Variants in TCEA1 observed in about 807,000 individuals in gnomAD.
TCEA1 encodes transcription elongation factor A protein 1.
A neutral mutation model predicts 43.8 loss-of-function variants in TCEA1; 21 were observed. That is an observed-to-expected ratio of 0.48 (90% confidence interval 0.34 to 0.69). The LOEUF (loss-of-function observed/expected upper bound fraction) is 0.69. TCEA1 is among the 30% of genes least tolerant of loss of function. The pLI is 0.01. For missense variants in TCEA1, 250 were observed against 365.1 expected (o/e 0.68, Z 2.57); for synonymous variants, 104 against 117.5 (o/e 0.88, Z 0.75).
intron 4 of TCEA1, among the ~76,000 whole-genome samples, chr8:53,990,023 C>G (rs1444520306): frequency 1.3e-5 from 2 of 152,072 alleles, no homozygotes; most frequent in Non-Finnish European, 2.9e-5. Context: ...TAGTGAGACC[C>G]AGGGTCTACA....
At position 54,022,374 on chromosome 8, in the gene TCEA1, A is replaced by G. The variant is rs376379593; in HGVS notation, c.-249T>C. 5.1e-5 allele frequency: 28 copies of G among 545,864 alleles called. No homozygotes were observed. In the African/African-American group the frequency reaches 5.5e-4, roughly 11 times the overall value. 33.8% of individuals were successfully genotyped at this position (545,864 alleles called of 1,614,324 possible). A position where few individuals can be genotyped will look rare whatever the true frequency, so the allele number is the denominator to read the frequency against. On this transcript the variant is annotated 5_prime_UTR_variant, in exon 1 of 10. Coordinates refer to ENST00000521604, the MANE Select transcript of TCEA1 (RefSeq NM_006756.4). ...CGTGCAGGCGCTACCAACTGACTGCAGATCGCTGGTGAGGGGCGAGCCCAT... is the reference window on the plus strand; with the variant it reads ...CGTGCAGGCGCTACCAACTGACTGCGGATCGCTGGTGAGGGGCGAGCCCAT...
intron 4 of TCEA1, among the ~76,000 whole-genome samples, chr8:53,989,775 T>A (rs1803813834): frequency 1.3e-5 from 2 of 152,060 alleles, no homozygotes; most frequent in African/African-American, 4.8e-5. Context: ...GACTCCAGCC[T>A]GAGCAACTGA....
At chr8:53,969,055 C>A (rs1318992852) in intron 9 of TCEA1, among the ~76,000 whole-genome samples, 1 of 152,024 alleles carries the variant, frequency 6.6e-6, no homozygotes, top group East Asian at 1.9e-4. Flanking sequence ...TTTCGGAGGC[C>A]AAGGCAGGCA....
chr8:53,993,045 C>T (rs544838928), intron 4 of TCEA1, among the ~76,000 whole-genome samples: 3 of 151,116 alleles, frequency 2.0e-5, no homozygotes, highest in South Asian at 2.1e-4. Context: ...CTCTGCCTCC[C>T]GGGTTCCAGC....
intron 1 of TCEA1, among the ~76,000 whole-genome samples, chr8:54,016,161 G>A (rs1000433804): frequency 5.9e-5 from 9 of 152,194 alleles, no homozygotes; most frequent in Non-Finnish European, 1.3e-4. Context: ...ATTATTCTCC[G>A]AGGTATACAC....
intron 2 of TCEA1, among the ~76,000 whole-genome samples, chr8:54,006,234 T>C (rs1804452557): frequency 6.6e-6 from 1 of 152,344 alleles, no homozygotes; most frequent in African/African-American, 2.4e-5. Flanking sequence ...ATATGTCAGT[T>C]TTCCTCTACT....
At chr8:53,973,655 AAAG>A (rs1803236129) in intron 8 of TCEA1, 1 of 557,046 alleles carries the variant, frequency 1.8e-6, no homozygotes, top group Non-Finnish European at 3.5e-6. Context: ...ACCTGAGCAA[AAAG>A]AAGAAAAAGA....
At chr8:54,021,309 T>C (rs961165076) in intron 1 of TCEA1, among the ~76,000 whole-genome samples, 5 of 152,176 alleles carry the variant, frequency 3.3e-5, no homozygotes, top group African/African-American at 9.7e-5. Flanking sequence ...CAAAAGCATA[T>C]GCTTACATGA....
At chr8:53,987,201 G>A (rs992495631) in intron 5 of TCEA1, among the ~76,000 whole-genome samples, 176 bp from the exon 6 acceptor site, 7 of 152,138 alleles carry the variant, frequency 4.6e-5, no homozygotes, top group African/African-American at 1.7e-4. Flanking sequence ...CTTCTTTTCT[G>A]GGCTTCACCT....
chr8:54,002,096 A>G (rs796969432), intron 2 of TCEA1, among the ~76,000 whole-genome samples: 2 of 150,710 alleles, frequency 1.3e-5, no homozygotes, highest in Admixed American at 1.3e-4. Context: ...TTGAACCCAG[A>G]AGGCAGAAGT....
intron 2 of TCEA1, among the ~76,000 whole-genome samples, chr8:54,001,300 C>G (rs1250947248): frequency 2.0e-5 from 3 of 152,086 alleles, no homozygotes; most frequent in Non-Finnish European, 4.4e-5. Context: ...AAGAGACACC[C>G]TATTGTAAGC....
intron 8 of TCEA1, chr8:53,972,384 A>G: frequency 1.8e-6 from 1 of 545,816 alleles, no homozygotes; most frequent in South Asian, 1.5e-5. Context: ...TAAAGGAAAT[A>G]TAGAAACTAG....
chr8:53,995,516 G>C (rs948098648), intron 3 of TCEA1, among the ~76,000 whole-genome samples: 1 of 151,980 alleles, frequency 6.6e-6, no homozygotes, highest in African/African-American at 2.4e-5. Flanking sequence ...GAAAACGTTT[G>C]GGTCTACTGT....
At chr8:54,001,990 CAAA>C (rs1474753927) in intron 2 of TCEA1, among the ~76,000 whole-genome samples, 2 of 142,312 alleles carry the variant, frequency 1.4e-5, no homozygotes, top group African/African-American at 5.4e-5. Flanking sequence ...AAAAAAAAAA[CAAA>C]AAACAAACAA....
intron 1 of TCEA1, among the ~76,000 whole-genome samples, 164 bp from the exon 2 acceptor site, chr8:54,010,656 TATTA>T (rs1329630201): frequency 6.6e-6 from 1 of 152,218 alleles, no homozygotes; most frequent in Non-Finnish European, 1.5e-5. Flanking sequence ...TACAATTTGA[TATTA>T]ATTTAATTTA....
chr8:53,979,000 T>C (rs1229042949), intron 8 of TCEA1, 25 bp downstream of exon 8: 1 of 1,575,166 alleles, frequency 6.3e-7, no homozygotes, highest in Admixed American at 1.8e-5. Context: ...TATATAAAAA[T>C]AAGAATCTAT....
intron 3 of TCEA1, among the ~76,000 whole-genome samples, chr8:53,998,321 G>GT (rs1804134378): frequency 6.6e-6 from 1 of 152,088 alleles, no homozygotes; most frequent in Admixed American, 6.5e-5. Context: ...TGGATAAAGG[G>GT]TACATGAGAC....
intron 2 of TCEA1, among the ~76,000 whole-genome samples, chr8:54,008,124 C>T (rs564625666): frequency 1.2e-4 from 17 of 137,156 alleles, no homozygotes; most frequent in South Asian, 7.2e-4. Context: ...TGAGGTCGCA[C>T]GTCGTACCAC....
chr8:54,008,795 T>G (rs909449942), intron 2 of TCEA1, among the ~76,000 whole-genome samples: 1 of 151,546 alleles, frequency 6.6e-6, no homozygotes, highest in African/African-American at 2.4e-5. Context: ...AAAACCACCA[T>G]GAGATACCAT....
Sources: allele counts gnomAD v4.1 joint callset (sites outside exome capture counted in the v4.1 genomes callset), GRCh38; gene constraint gnomAD v4.1.1; transcripts MANE v1.5; gene names NCBI Gene and HGNC (gene_info 2026-07-23, HGNC 2026-07-21).